CNTN4: variants seen among roughly 807,000 people sequenced by gnomAD.
CNTN4 encodes the protein contactin-4.
Under a neutral mutation model 122.5 loss-of-function variants are expected in CNTN4, and 77 were observed. The ratio of observed to expected loss-of-function variants is 0.63; its 90% CI spans 0.52 to 0.76. The LOEUF (loss-of-function observed/expected upper bound fraction) is 0.76. Ranked by LOEUF, CNTN4 falls within the 30% of genes least tolerant of loss-of-function variation. CNTN4 has a pLI of 0.00. For missense variants in CNTN4, 1,256 were observed against 1,259.1 expected, an observed-to-expected ratio of 1.00 and a Z score of 0.04; for synonymous variants, 512 against 447.0, an observed-to-expected ratio of 1.15 and a Z score of -1.83.
intron 2 of CNTN4, among the ~76,000 whole-genome samples, chr3:2,283,966 T>A (rs549710157): frequency 6.6e-6 from 1 of 152,254 alleles, no homozygotes; most frequent in African/African-American, 2.4e-5. Flanking sequence ...TTGCCTGGCC[T>A]GAAATCTGCT....
intron 10 of CNTN4, among the ~76,000 whole-genome samples, chr3:2,895,622 A>T (rs2094100082): frequency 6.6e-6 from 1 of 152,216 alleles, no homozygotes; most frequent in South Asian, 2.1e-4. Flanking sequence ...TTATGTGGAG[A>T]TGAAGAAGCC....
chr3:2,432,346 A>G (rs1681703948), intron 3 of CNTN4, among the ~76,000 whole-genome samples: 1 of 152,232 alleles, frequency 6.6e-6, no homozygotes, highest in Non-Finnish European at 1.5e-5. Flanking sequence ...TACTCTATAA[A>G]TGTGTATTCT....
intron 3 of CNTN4, among the ~76,000 whole-genome samples, chr3:2,480,138 T>A (rs951502638): frequency 4.6e-5 from 7 of 151,496 alleles, no homozygotes; most frequent in Admixed American, 1.3e-4. Flanking sequence ...AAAGAATATC[T>A]AAAAAAAACC....
chr3:2,330,667 G>T (rs571818759), intron 2 of CNTN4, among the ~76,000 whole-genome samples: 1 of 152,148 alleles, frequency 6.6e-6, no homozygotes, highest in Admixed American at 6.6e-5. Context: ...CACTCAGCTA[G>T]AAAGTGAAGA....
At chr3:2,692,314 G>A (rs914222929) in intron 4 of CNTN4, among the ~76,000 whole-genome samples, 4 of 152,034 alleles carry the variant, frequency 2.6e-5, no homozygotes, top group African/African-American at 7.2e-5. Context: ...TACAGTGCCC[G>A]GTGCTTTACC....
chr3:2,756,311 C>A (rs962877085), intron 6 of CNTN4, among the ~76,000 whole-genome samples: 5 of 152,094 alleles, frequency 3.3e-5, no homozygotes, highest in African/African-American at 1.2e-4. Context: ...GAGGGATCTG[C>A]CCTTGTAAAT....
At chr3:2,170,187 GGC>G (rs2036427119) in intron 2 of CNTN4, among the ~76,000 whole-genome samples, 3 of 139,462 alleles carry the variant, frequency 2.2e-5, no homozygotes, top group African/African-American at 6.1e-5. Context: ...CGGGCGTGGT[GGC>G]GGCGCCTGTA....
At chr3:2,525,095 G>A (rs17563096) in intron 3 of CNTN4, among the ~76,000 whole-genome samples, 6,327 of 152,138 alleles carry the variant, frequency 0.042, 170 homozygotes, top group Middle Eastern at 0.11. Flanking sequence ...TGAATATGAC[G>A]ACCTGGATGA....
intron 2 of CNTN4, among the ~76,000 whole-genome samples, chr3:2,129,907 A>G (rs1332145444): frequency 6.6e-6 from 1 of 152,034 alleles, no homozygotes; most frequent in East Asian, 1.9e-4. Flanking sequence ...GCAGATAGAC[A>G]TGTTTCCTTA....
chr3:2,620,149 T>C (rs1206412258), intron 4 of CNTN4, among the ~76,000 whole-genome samples: 2 of 152,216 alleles, frequency 1.3e-5, no homozygotes, highest in Admixed American at 6.5e-5. Flanking sequence ...CATATTTTAC[T>C]TCTCACTTAC....
intron 4 of CNTN4, among the ~76,000 whole-genome samples, chr3:2,610,150 CTATTT>C (rs147253471): frequency 0.023 from 3,490 of 152,234 alleles, 133 homozygotes; most frequent in African/African-American, 0.08. Context: ...CACTCCCACT[CTATTT>C]TATTTTTCAC....
rs116297969 is a variant in CNTN4, at chr3:2,503,307, G to C, written c.-88-68109G>C. On this transcript the variant is annotated intron_variant, in intron 3 of 24. Coordinates refer to ENST00000418658, the MANE Select transcript of CNTN4 (RefSeq NM_175607.3). ...ATAGTTATATGACAAAGCAGGCATA[G>C]TAAGATATTAGTTGTAGAATCTAGA... Among the ~76,000 whole-genome samples, 590 of 152,278 alleles carry C rather than the reference G, an allele frequency of 3.9e-3. 5 individuals are homozygous for C. The highest frequency in any genetic ancestry group is 0.014 in the African/African-American group (570 of 41,582).
chr3:2,497,944 A>C (rs2076496534), intron 3 of CNTN4, among the ~76,000 whole-genome samples: 1 of 151,992 alleles, frequency 6.6e-6, no homozygotes, highest in South Asian at 2.1e-4. Flanking sequence ...GCTCACTTCT[A>C]CTCTTTTTCT....
intron 6 of CNTN4, among the ~76,000 whole-genome samples, chr3:2,812,469 T>C (rs369065850): frequency 5.9e-5 from 9 of 152,314 alleles, no homozygotes; most frequent in South Asian, 2.1e-4. Flanking sequence ...GGATAAGATA[T>C]CTGATTCACT....
At chr3:2,651,428 A>G (rs921076629) in intron 4 of CNTN4, among the ~76,000 whole-genome samples, 3 of 152,200 alleles carry the variant, frequency 2.0e-5, no homozygotes, top group Non-Finnish European at 4.4e-5. Flanking sequence ...ATTTGGTTCG[A>G]TCAGATTCTC....
At chr3:2,175,020 G>C (rs2036688335) in intron 2 of CNTN4, among the ~76,000 whole-genome samples, 2 of 152,122 alleles carry the variant, frequency 1.3e-5, no homozygotes, top group Admixed American at 6.5e-5. Flanking sequence ...GATTTGGGTG[G>C]GGTCAAATGT....
intron 4 of CNTN4, among the ~76,000 whole-genome samples, chr3:2,644,769 C>T (rs960564512): frequency 2.1e-5 from 3 of 145,258 alleles, no homozygotes; most frequent in East Asian, 2.0e-4. Context: ...CCTGAGCATA[C>T]TAGATTAATA....
intron 7 of CNTN4, among the ~76,000 whole-genome samples, chr3:2,840,489 A>G (rs1473720737): frequency 2.1e-5 from 3 of 143,604 alleles, no homozygotes; most frequent in African/African-American, 5.1e-5. Flanking sequence ...TCACGAGGTC[A>G]GGAGATCGAG....
At chr3:2,818,952 GTATAAT>G (rs2092802929) in intron 6 of CNTN4, among the ~76,000 whole-genome samples, 1 of 152,174 alleles carries the variant, frequency 6.6e-6, no homozygotes, top group Non-Finnish European at 1.5e-5. Context: ...GGAGAGACAA[GTATAAT>G]TATATATGAT....
Sources: gnomAD v4.1 joint callset for allele counts (sites outside exome capture counted in the v4.1 genomes callset) on GRCh38, gnomAD v4.1.1 for gene constraint, MANE v1.5 for transcripts, NCBI Gene and HGNC (gene_info 2026-07-23, HGNC 2026-07-21) for gene names.